The following CFTR variants were observed in gnomAD, a reference collection of about 807,000 sequenced individuals.
The protein encoded by CFTR is cystic fibrosis transmembrane conductance regulator.
A neutral mutation model predicts 171.6 loss-of-function variants in CFTR; 181 were observed. The observed-to-expected ratio is 1.05, with a 90% CI of 0.93 to 1.19. CFTR has a LOEUF of 1.19. Among genes scored for constraint, CFTR ranks in the 50% most tolerant of loss-of-function variants. The pLI is 0.00. For synonymous variants in CFTR, 583 were observed against 608.0 expected (o/e 0.96, Z 0.60); for missense variants, 1,968 against 1,734.7 (o/e 1.13, Z -2.39).
At chr7:117,575,035 C>G (rs766805713) in intron 11 of CFTR, among the ~76,000 whole-genome samples, 1 of 152,014 alleles carries the variant, frequency 6.6e-6, no homozygotes, top group Non-Finnish European at 1.5e-5. Context: ...GGATTTTACT[C>G]AATACTGCAA....
At chr7:117,509,661 A>G (rs957284477) in intron 3 of CFTR, among the ~76,000 whole-genome samples, 8 of 152,202 alleles carry the variant, frequency 5.3e-5, no homozygotes, top group Non-Finnish European at 1.2e-4. Context: ...CTCTTGCAAT[A>G]TATTTTCTTA....
chr7:117,609,005 A>G (rs148937351), intron 18 of CFTR, among the ~76,000 whole-genome samples: 3 of 152,326 alleles, frequency 2.0e-5, no homozygotes, highest in Non-Finnish European at 2.9e-5. Context: ...GTTGCACAGC[A>G]GATCTCTGGA....
At chr7:117,517,842 A>G (rs916369590) in intron 3 of CFTR, among the ~76,000 whole-genome samples, 1 of 152,330 alleles carries the variant, frequency 6.6e-6, no homozygotes, top group East Asian at 1.9e-4. Context: ...TGTTGGCTGC[A>G]TAAATGTCTT....
chr7:117,667,055 AT>A lies in CFTR; in HGVS notation c.4392del (p.Ile1464MetfsTer4), dbSNP rs1793395260. On this transcript the variant is annotated frameshift_variant, in exon 27 of 27. Coordinates refer to ENST00000003084, the MANE Select transcript of CFTR (RefSeq NM_000492.4). LOFTEE classifies it high-confidence loss of function. ...NSSKCKSKPQIAALKEETEEE... is the reference protein window; with the variant it reads ...NSSKCKSKPQXAALKEETEEE... ...AAGCAAGTGCAAGTCTAAGCCCCAG[AT>A]TGCTGCTCTGAAAGAGGAGACAGAA... The A allele has an allele frequency of 1.2e-6, 2 of 1,613,946 alleles. No homozygotes were observed. The highest frequency in any genetic ancestry group is 1.7e-6 in the Non-Finnish European group (2 of 1,179,976).
chr7:117,537,599 G>C (rs1263277093), intron 7 of CFTR, among the ~76,000 whole-genome samples: 1 of 152,192 alleles, frequency 6.6e-6, no homozygotes, highest in Non-Finnish European at 1.5e-5. Context: ...GCTGAGTCCA[G>C]TGTACAATGG....
At chr7:117,600,774 C>T (rs1284574903) in intron 15 of CFTR, among the ~76,000 whole-genome samples, 1 of 151,898 alleles carries the variant, frequency 6.6e-6, no homozygotes, top group African/African-American at 2.4e-5. Context: ...TCCTTTTTAC[C>T]ATAATCACCT....
chr7:117,573,622 A>G (rs1791727808), intron 11 of CFTR, among the ~76,000 whole-genome samples: 1 of 152,164 alleles, frequency 6.6e-6, no homozygotes, highest in South Asian at 2.1e-4. Context: ...TCCAAGGACC[A>G]CATATTAAGA....
intron 1 of CFTR, among the ~76,000 whole-genome samples, chr7:117,501,799 G>GCAAA (rs200270442): frequency 0.026 from 1,986 of 75,646 alleles, 51 homozygotes; most frequent in African/African-American, 0.076. Context: ...AAAACAAAAA[G>GCAAA]CAAACAAACA....
intron 18 of CFTR, 123 bp from the exon 19 acceptor site, chr7:117,610,396 A>G (rs545260370): frequency 1.3e-6 from 1 of 790,708 alleles, no homozygotes; most frequent in Non-Finnish European, 2.0e-6. Flanking sequence ...TAAAAAAAAT[A>G]AAAAAAAGTT....
At chr7:117,638,736 C>CATAAATAAATAAATAAATAA (rs201930686) in intron 22 of CFTR, among the ~76,000 whole-genome samples, 83 of 145,106 alleles carry the variant, frequency 5.7e-4, no homozygotes, top group Non-Finnish European at 8.7e-4. Context: ...AACTCCATCT[C>CATAAATAAATAAATAAATAA]ATAAATAAAT....
At chr7:117,602,625 G>A (rs779265555) in intron 15 of CFTR, among the ~76,000 whole-genome samples, 3 of 152,204 alleles carry the variant, frequency 2.0e-5, no homozygotes, top group African/African-American at 7.2e-5. Flanking sequence ...TTAACTTAAT[G>A]TGGTCTCATC....
In CFTR at chr7:117,606,235, G is replaced by A. The variant is rs34644747; in HGVS notation, c.2909-439G>A. Among the ~76,000 whole-genome samples, 1,191 of 152,200 alleles carry A rather than the reference G, an allele frequency of 7.8e-3. 10 individuals carry two copies. Among genetic ancestry groups the A allele is most frequent in the African/African-American group, 0.027 (1,138 of 41,518 alleles). The stretch of plus-strand genomic sequence containing the variant: ...GAGAGCAGCCAGGGTTTCGGTAGAG[G>A]TATGTCAAAAAGGTATGGAAGTCAG... On this transcript the variant is annotated intron_variant, in intron 17 of 26. Transcript: ENST00000003084.
In CFTR at chr7:117,511,481, C is replaced by T. The variant is rs987029346; in HGVS notation, c.273+2339C>T. Among the ~76,000 whole-genome samples, 2 of 152,096 alleles carry T rather than the reference C, an allele frequency of 1.3e-5. 1 individual carries two copies. The highest frequency in any genetic ancestry group is 4.8e-5 in the African/African-American group (2 of 41,424). On this transcript the variant is annotated intron_variant, in intron 3 of 26. Transcript: ENST00000003084. The stretch of plus-strand genomic sequence containing the variant: ...GTGAGTGGAAAGGTACTCCTGAGCC[C>T]GAGGCTACAGCTTTGGAACTAGCAG...
intron 11 of CFTR, among the ~76,000 whole-genome samples, chr7:117,586,028 G>A (rs1270815056): frequency 2.0e-5 from 3 of 152,180 alleles, no homozygotes; most frequent in Non-Finnish European, 4.4e-5. Context: ...GAGCTGTTTT[G>A]TAATTGCTGT....
Position 117,611,731 on chromosome 7 carries a change from G to T in CFTR, c.3290G>T (p.Arg1097Leu). Residue 1097 changes from arginine (R) to leucine (L), a missense_variant, in exon 20 of 27, where the codon CGC becomes CTC. Arg to Leu is a moderately radical substitution (Grantham distance 102). Transcript: ENST00000003084. Reference protein sequence around the residue: ...ANWFLYLSTLRWFQMRIEMIF... With the variant: ...ANWFLYLSTLLWFQMRIEMIF... Reference sequence around the variant, plus strand: ...TGGTTCTTGTACCTGTCAACACTGCGCTGGTTCCAAATGAGAATAGAAATG... The same window carrying T: ...TGGTTCTTGTACCTGTCAACACTGCTCTGGTTCCAAATGAGAATAGAAATG... 1 of 1,613,402 alleles carries T rather than the reference G, an allele frequency of 6.2e-7. No individual in the cohort carries two copies. Among genetic ancestry groups the T allele is most frequent in the Non-Finnish European group, 8.5e-7 (1 of 1,179,692 alleles).
At position 117,603,759 on chromosome 7, in the gene CFTR, C is replaced by A; in HGVS notation, c.2885C>A (p.Ser962Ter). The change falls in exon 17 of 27, where the codon TCA (serine) becomes TAA (stop). Residue 962 changes from serine (S) to a stop codon, truncating the protein, a stop_gained. Coordinates refer to ENST00000003084, the MANE Select transcript of CFTR (RefSeq NM_000492.4). LOFTEE classifies it high-confidence loss of function. ...MLHSVLQAPM[S>*]TLNTLKAGGI... is the part of the protein sequence containing the mutation. ...CATTCTGTTCTTCAAGCACCTATGT[C>A]AACCCTCAACACGTTGAAAGCAGGT... is the stretch of plus-strand genomic sequence containing the variant. 1.2e-6 allele frequency: 2 copies of A among 1,613,974 alleles called. No homozygotes were observed. The highest frequency in any genetic ancestry group is 2.2e-5 in the South Asian group (2 of 91,074).
In CFTR at chr7:117,509,127, C is replaced by A. The variant is rs374992300; in HGVS notation, c.258C>A (p.Ile86=). ...CFFWRFMFYG[I]FLYLGEVTKA... is the part of the protein sequence containing the mutation. ...TCTGGAGATTTATGTTCTATGGAAT[C>A]TTTTTATATTTAGGGGTAAGGATCT... The change falls in exon 3 of 27, where the codon ATC becomes ATA. Residue 86 remains isoleucine (I), a synonymous_variant. Transcript: ENST00000003084. 4 of 1,579,356 alleles carry A rather than the reference C, an allele frequency of 2.5e-6. No individual in the cohort carries two copies. Among genetic ancestry groups the A allele is most frequent in the South Asian group, 1.1e-5 (1 of 90,444 alleles).
chr7:117,628,176 T>C (rs1248850246), intron 22 of CFTR, among the ~76,000 whole-genome samples: 1 of 152,192 alleles, frequency 6.6e-6, no homozygotes, highest in Non-Finnish European at 1.5e-5. Context: ...ATACTTTTTT[T>C]CTAGCTTTTT....
rs1797983613 is a variant in CFTR at position 117,480,382 on chromosome 7, G to A, written c.53+235G>A. Among the ~76,000 whole-genome samples, 3 of 152,200 alleles carry A rather than the reference G, an allele frequency of 2.0e-5. 1 individual carries two copies. The South Asian group carries it at 6.2e-4, about 32-fold the overall frequency. On this transcript the variant is annotated intron_variant, in intron 1 of 26. Coordinates refer to ENST00000003084, the MANE Select transcript of CFTR (RefSeq NM_000492.4). Reference sequence around the variant, plus strand: ...AGCCACATCTACTTGCAACTGAAAAGTTAGAATCTCAAGACTCAAGTACGC... The same window carrying A: ...AGCCACATCTACTTGCAACTGAAAAATTAGAATCTCAAGACTCAAGTACGC...
Sources: gnomAD v4.1 joint callset for allele counts (sites outside exome capture counted in the v4.1 genomes callset) on GRCh38, gnomAD v4.1.1 for gene constraint, MANE v1.5 for transcripts, NCBI Gene and HGNC (gene_info 2026-07-23, HGNC 2026-07-21) for gene names.